The following TMPO variants were observed in gnomAD, a reference collection of about 807,000 sequenced individuals.
TMPO encodes the protein thymopoietin.
TMPO carries 22 observed loss-of-function variants against 45.4 expected under a neutral mutation model. The observed-to-expected ratio is 0.48, with a 90% CI of 0.35 to 0.69. The LOEUF (loss-of-function observed/expected upper bound fraction) is 0.69. TMPO is among the 30% of genes least tolerant of loss of function. The pLI is 0.01. For missense variants in TMPO, 512 were observed against 548.8 expected (o/e 0.93, Z 0.67); for synonymous variants, 241 against 204.1 (o/e 1.18, Z -1.54).
intron 4 of TMPO, among the ~76,000 whole-genome samples, chr12:98,542,898 G>A (rs1237954479): frequency 6.6e-6 from 1 of 152,120 alleles, no homozygotes; most frequent in East Asian, 1.9e-4. Flanking sequence ...CAGTTACTCT[G>A]TGTATGTCTG....
At chr12:98,537,215 A>G (rs568646504) in intron 3 of TMPO, among the ~76,000 whole-genome samples, 2 of 152,214 alleles carry the variant, frequency 1.3e-5, no homozygotes, top group Non-Finnish European at 2.9e-5. Context: ...TATGAGTCCC[A>G]GATAAAGGAA....
chr12:98,540,218 C>G (rs1020908892), intron 4 of TMPO, among the ~76,000 whole-genome samples: 17 of 152,154 alleles, frequency 1.1e-4, no homozygotes, highest in African/African-American at 3.1e-4. Context: ...GCTGCATTTT[C>G]TGTAGAGTGG....
intron 6 of TMPO, 140 bp downstream of exon 6, chr12:98,544,677 A>G (rs1458133171): frequency 4.0e-6 from 3 of 741,610 alleles, no homozygotes; most frequent in Non-Finnish European, 6.6e-6. Context: ...TTTTCCCCAT[A>G]TAGTTCTGAA....
rs1016110113 is a variant in TMPO at position 98,538,771 on chromosome 12, A to G, written c.663+1199A>G. ...TGAATTTCAGAACGATTTGTTAGAA[A>G]TGAGCTTTGTGACAAGAACATACAG... On this transcript the variant is annotated intron_variant, in intron 4 of 8. Transcript: ENST00000556029. Among the ~76,000 whole-genome samples, 18 of 152,334 alleles carry G rather than the reference A, an allele frequency of 1.2e-4. No individual in the cohort carries two copies. In the East Asian group the frequency reaches 3.1e-3, roughly 26 times the overall value.
At chr12:98,537,728 GT>G in intron 4 of TMPO, 156 bp downstream of exon 4, 1 of 737,808 alleles carries the variant, frequency 1.4e-6, no homozygotes. Flanking sequence ...AACTTTGTGG[GT>G]TTTGTCAGTA....
chr12:98,546,511 T>C, intron 8 of TMPO, 64 bp downstream of exon 8: 1 of 1,250,926 alleles, frequency 8.0e-7, no homozygotes, highest in Non-Finnish European at 1.2e-6. Context: ...TTTTAATTCT[T>C]CATCACAAAG....
chr12:98,527,867 T>A lies in TMPO; in HGVS notation c.280-19T>A, dbSNP rs1488784172. ...ACACTTTAATTCATATGGAAATGAT[T>A]ACTGGACTTTGTTTACAGAAAGCCA... On this transcript the variant is annotated intron_variant, in intron 1 of 8. Coordinates refer to ENST00000556029, the MANE Select transcript of TMPO (RefSeq NM_001032283.3). 6.2e-7 allele frequency: 1 copy of A among 1,613,160 alleles called. No individual in the cohort carries two copies. Among genetic ancestry groups the A allele is most frequent in the African/African-American group, 1.3e-5 (1 of 75,036 alleles).
At chr12:98,524,230 A>G (rs1478392316) in intron 1 of TMPO, among the ~76,000 whole-genome samples, 1 of 152,220 alleles carries the variant, frequency 6.6e-6, no homozygotes, top group Non-Finnish European at 1.5e-5. Context: ...ATCTGGCCCA[A>G]GGTGAAGAAT....
Position 98,548,166 on chromosome 12 carries a change from G to T in TMPO, c.*308G>T. The stretch of plus-strand genomic sequence containing the variant: ...TTTTGAAAAAATGTATATGTTTTTT[G>T]TGTATTTGGGAAACGAAGGGTGAAA... On this transcript the variant is annotated 3_prime_UTR_variant, in exon 9 of 9. Coordinates refer to ENST00000556029, the MANE Select transcript of TMPO (RefSeq NM_001032283.3). 4.0e-6 allele frequency: 1 copy of T among 251,592 alleles called. No homozygotes were observed. Among genetic ancestry groups the T allele is most frequent in the Non-Finnish European group, 7.6e-6 (1 of 130,938 alleles). The allele number at this position is 251,592 out of a possible 1,614,324, so 15.6% of individuals were successfully genotyped here. A position where few individuals can be genotyped will look rare whatever the true frequency, so the allele number is the denominator to read the frequency against.
chr12:98,527,303 G>A (rs1267573225), intron 1 of TMPO, among the ~76,000 whole-genome samples: 2 of 136,840 alleles, frequency 1.5e-5, no homozygotes, highest in African/African-American at 5.6e-5. Flanking sequence ...TTTGAGACCA[G>A]CCTGGGCAAC....
chr12:98,518,439 A>T (rs1019556778), intron 1 of TMPO, among the ~76,000 whole-genome samples: 10 of 143,784 alleles, frequency 7.0e-5, no homozygotes, highest in Non-Finnish European at 3.0e-5. Context: ...GCAACGGGGC[A>T]TGCACCGCTA....
At chr12:98,537,844 T>C in intron 4 of TMPO, 1 of 544,846 alleles carries the variant, frequency 1.8e-6, no homozygotes, top group South Asian at 2.9e-5. Flanking sequence ...TTGAAAGAAA[T>C]ATTTTAAAAG....
Position 98,545,045 on chromosome 12 carries a change from C to A in TMPO, c.974C>A (p.Pro325Gln). The change falls in exon 7 of 9, where the codon CCA becomes CAA. Residue 325 changes from proline (P) to glutamine (Q), a missense_variant. Pro to Gln is a moderately conservative substitution (Grantham distance 76, BLOSUM62 -1). Coordinates refer to ENST00000556029, the MANE Select transcript of TMPO (RefSeq NM_001032283.3). The stretch of plus-strand genomic sequence containing the variant: ...ATACCCAGAAGAGCACCAAAGAAAC[C>A]ATTGACAAGAGCTGAAGTAAATGAA... ...SDIPRRAPKK[P>Q]LTRAEVGEKT... 1.2e-6 allele frequency: 2 copies of A among 1,611,276 alleles called. No individual in the cohort carries two copies. Among genetic ancestry groups the A allele is most frequent in the South Asian group, 2.2e-5 (2 of 91,012 alleles).
At chr12:98,519,293 G>A (rs1254818002) in intron 1 of TMPO, among the ~76,000 whole-genome samples, 1 of 151,734 alleles carries the variant, frequency 6.6e-6, no homozygotes, top group African/African-American at 2.4e-5. Context: ...CTGCCTCCTG[G>A]GTTCAAATGA....
chr12:98,548,180 C>G lies in TMPO; in HGVS notation c.*322C>G, dbSNP rs929484458. On this transcript the variant is annotated 3_prime_UTR_variant, in exon 9 of 9. Transcript: ENST00000556029. Reference sequence around the variant, plus strand: ...ATATGTTTTTTGTGTATTTGGGAAACGAAGGGTGAAACATGGTAGTATAAT... The same window carrying G: ...ATATGTTTTTTGTGTATTTGGGAAAGGAAGGGTGAAACATGGTAGTATAAT... The G allele has an allele frequency of 2.2e-5, 5 of 228,280 alleles. No individual in the cohort carries two copies. The highest frequency in any genetic ancestry group is 3.4e-5 in the Non-Finnish European group (4 of 116,164). 14.1% of individuals were successfully genotyped at this position (228,280 alleles called of 1,614,324 possible). A position where few individuals can be genotyped will look rare whatever the true frequency, so the allele number is the denominator to read the frequency against.
intron 3 of TMPO, chr12:98,533,493 TG>T: frequency 6.2e-7 from 1 of 1,614,156 alleles, no homozygotes; most frequent in South Asian, 1.1e-5. Flanking sequence ...AGAAGAGAAT[TG>T]ATCAGTCTAA....
At chr12:98,523,761 C>T (rs1419655145) in intron 1 of TMPO, among the ~76,000 whole-genome samples, 1 of 152,092 alleles carries the variant, frequency 6.6e-6, no homozygotes, top group African/African-American at 2.4e-5. Context: ...CTGCAATCTC[C>T]GCCTCCCCAA....
Position 98,525,738 on chromosome 12 carries a change from C to CA in TMPO, c.280-2130dup, listed in dbSNP as rs34394677. Among the ~76,000 whole-genome samples the CA allele has an allele frequency of 6.3e-3, 606 of 95,516 alleles. 2 individuals carry two copies. Among genetic ancestry groups the CA allele is most frequent in the African/African-American group, 0.011 (288 of 26,220 alleles). 62.7% of individuals were successfully genotyped at this position (95,516 alleles called of 152,430 possible). Reference sequence around the variant, plus strand: ...CCTGGATAAGAGTGAGGCACAGTCTCAAAAAAAAAAAAAAAAAAGATTTGA... The same window carrying CA: ...CCTGGATAAGAGTGAGGCACAGTCTCAAAAAAAAAAAAAAAAAAAGATTTGA... On this transcript the variant is annotated intron_variant, in intron 1 of 8. Transcript: ENST00000556029.
In TMPO at chr12:98,531,733, A is replaced by C; in HGVS notation, c.460A>C (p.Thr154Pro). ...GCTTTTGAAACTGAGGGAACAAGGA[A>C]CAGAATCAAGATCTTCTACTCCTCT... Reference protein sequence around the residue: ...KKLLKLREQGTESRSSTPLPT... With the variant: ...KKLLKLREQGPESRSSTPLPT... The change falls in exon 3 of 9, where the codon ACA becomes CCA. Residue 154 changes from threonine (T) to proline (P), a missense_variant. Thr to Pro is a conservative substitution (Grantham distance 38). Around this residue, in one of 3 missense-constraint regions of TMPO, gnomAD observed 299 missense variants for 296.7 expected, o/e 1.01. Coordinates refer to ENST00000556029, the MANE Select transcript of TMPO (RefSeq NM_001032283.3). 3 of 1,613,640 alleles carry C rather than the reference A, an allele frequency of 1.9e-6. No individual in the cohort carries two copies. Among genetic ancestry groups the C allele is most frequent in the Non-Finnish European group, 2.5e-6 (3 of 1,179,946 alleles).
Sources: allele counts gnomAD v4.1 joint callset (sites outside exome capture counted in the v4.1 genomes callset), GRCh38; gene constraint gnomAD v4.1.1; regional missense constraint gnomAD v4.1.1; transcripts MANE v1.5; gene names NCBI Gene and HGNC (gene_info 2026-07-23, HGNC 2026-07-21).